Variants in MALRD1 observed in about 807,000 individuals in gnomAD.
MALRD1 encodes the protein MAM and LDL-receptor class A domain-containing protein 1.
MALRD1 carries 247 observed loss-of-function variants against 242.1 expected under a neutral mutation model. The observed-to-expected ratio is 1.02, with a 90% CI of 0.92 to 1.13. The LOEUF is 1.13. Among genes scored for constraint, MALRD1 ranks in the 50% most tolerant of loss-of-function variants. MALRD1 has a pLI of 0.00. For missense variants in MALRD1, 2,989 were observed against 2,533.1 expected (o/e 1.18, Z -3.86); for synonymous variants, 995 against 866.6 (o/e 1.15, Z -2.60).
chr10:19,427,930 T>A (rs1047003384), intron 28 of MALRD1, among the ~76,000 whole-genome samples: 3 of 152,170 alleles, frequency 2.0e-5, no homozygotes, highest in Non-Finnish European at 4.4e-5. Context: ...CTTATGTATG[T>A]TGCATATCAC....
chr10:19,362,483 A>T (rs974853101), intron 26 of MALRD1, among the ~76,000 whole-genome samples: 1 of 152,134 alleles, frequency 6.6e-6, no homozygotes, highest in Non-Finnish European at 1.5e-5. Flanking sequence ...CTTGAAGGAG[A>T]TATGGAAATT....
intron 36 of MALRD1, among the ~76,000 whole-genome samples, chr10:19,627,905 C>T (rs1234437225): frequency 6.6e-6 from 1 of 150,946 alleles, no homozygotes; most frequent in East Asian, 1.9e-4. Flanking sequence ...AAACTAGACA[C>T]ACATTATTTA....
At chr10:19,536,002 G>A (rs1441861755) in intron 32 of MALRD1, among the ~76,000 whole-genome samples, 1 of 152,194 alleles carries the variant, frequency 6.6e-6, no homozygotes, top group Non-Finnish European at 1.5e-5. Flanking sequence ...ATTCTCAAAA[G>A]AGATTCCAAA....
At chr10:19,420,700 T>C (rs1179188332) in intron 28 of MALRD1, among the ~76,000 whole-genome samples, 2 of 152,154 alleles carry the variant, frequency 1.3e-5, no homozygotes, top group Non-Finnish European at 2.9e-5. Flanking sequence ...CAGAGCTTTG[T>C]CTCCCATGCT....
At chr10:19,460,222 A>G (rs539858440) in intron 29 of MALRD1, among the ~76,000 whole-genome samples, 76 of 152,270 alleles carry the variant, frequency 5.0e-4, no homozygotes, top group African/African-American at 1.8e-3. Context: ...GTCCTGAAAT[A>G]TCGGTACAGA....
At chr10:19,448,859 GT>G (rs1193087900) in intron 28 of MALRD1, among the ~76,000 whole-genome samples, 6 of 151,952 alleles carry the variant, frequency 3.9e-5, no homozygotes, top group African/African-American at 1.4e-4. Context: ...TTTGGAATCT[GT>G]TGTTAAAATT....
chr10:19,519,964 T>C (rs1165907467), intron 31 of MALRD1, among the ~76,000 whole-genome samples: 5 of 152,222 alleles, frequency 3.3e-5, no homozygotes, highest in African/African-American at 9.6e-5. Context: ...ATCATTGTTA[T>C]GTCCACCTAA....
At chr10:19,127,528 T>G (rs1354010661) in intron 7 of MALRD1, among the ~76,000 whole-genome samples, 1 of 152,218 alleles carries the variant, frequency 6.6e-6, no homozygotes, top group Non-Finnish European at 1.5e-5. Flanking sequence ...GCAGTTTCAG[T>G]AGCATGAAGA....
rs1834094195 is a variant in MALRD1, at chr10:19,155,150, T to C, written c.1634T>C (p.Leu545Pro). The C allele has an allele frequency of 8.1e-7, 1 of 1,231,526 alleles. No individual in the cohort carries two copies. Among genetic ancestry groups the C allele is most frequent in the Non-Finnish European group, 1.0e-6 (1 of 987,836 alleles). The allele number at this position is 1,231,526 out of a possible 1,614,324, so 76.3% of individuals were successfully genotyped here. The change falls in exon 12 of 40, where the codon CTC (leucine) becomes CCC (proline). Residue 545 changes from leucine (L) to proline (P), a missense_variant. Coordinates refer to ENST00000454679, the MANE Select transcript of MALRD1 (RefSeq NM_001142308.3). Reference protein sequence around the residue: ...KLGSPVLTKLLTASTPCQVQF... With the variant: ...KLGSPVLTKLPTASTPCQVQF... ...GGAAGTCCTGTTCTTACAAAATTGC[T>C]CACTGCCTCTACCCCATGTCAGGTA...
chr10:19,509,930 C>T lies in MALRD1; in HGVS notation c.5320+11284C>T, dbSNP rs1023020784. Among the ~76,000 whole-genome samples the T allele has an allele frequency of 2.7e-5, 4 of 146,016 alleles. No individual in the cohort carries two copies. In the East Asian group the frequency reaches 8.2e-4, roughly 30 times the overall value. On this transcript the variant is annotated intron_variant, in intron 31 of 39. Coordinates refer to ENST00000454679, the MANE Select transcript of MALRD1 (RefSeq NM_001142308.3). ...AAGAAAAGTGGGCCCAGGGGACCGG[C>T]GCTCAGCATACAGAGGATCCGCTCC...
chr10:19,535,101 G>T lies in MALRD1; in HGVS notation c.5478+3750G>T, dbSNP rs553267175. On this transcript the variant is annotated intron_variant, in intron 32 of 39. Coordinates refer to ENST00000454679, the MANE Select transcript of MALRD1 (RefSeq NM_001142308.3). ...GCGTTTCACCATGTTGGCCAGGCTG[G>T]TCTTAATCTCCTGACCTAGTGATTC... 3.4e-3 allele frequency among the ~76,000 whole-genome samples: 519 copies of T among 152,116 alleles called. 4 individuals are homozygous for T. The highest frequency in any genetic ancestry group is 8.7e-3 in the South Asian group (42 of 4,822).
At chr10:19,430,112 T>C (rs865884044) in intron 28 of MALRD1, among the ~76,000 whole-genome samples, 1 of 23,288 alleles carries the variant, frequency 4.3e-5, no homozygotes, top group African/African-American at 2.8e-4. Flanking sequence ...TCCATTTTCC[T>C]TTTTTTTTTT....
At chr10:19,252,791 G>A (rs1234432339) in intron 18 of MALRD1, among the ~76,000 whole-genome samples, 1 of 151,978 alleles carries the variant, frequency 6.6e-6, no homozygotes, top group Non-Finnish European at 1.5e-5. Context: ...GCAGCTTTGT[G>A]TATGTGATAG....
At chr10:19,620,205 C>A (rs1237686222) in intron 36 of MALRD1, among the ~76,000 whole-genome samples, 2 of 151,770 alleles carry the variant, frequency 1.3e-5, no homozygotes, top group Admixed American at 1.3e-4. Context: ...ATTTTAGGCT[C>A]ACAGGTACAT....
chr10:19,203,940 A>G, intron 15 of MALRD1, 60 bp downstream of exon 15: 5 of 1,536,710 alleles, frequency 3.3e-6, no homozygotes, highest in Non-Finnish European at 4.4e-6. Flanking sequence ...AGACTTCAGA[A>G]GAGAAAGGAA....
chr10:19,359,125 T>G (rs547055735), intron 26 of MALRD1, among the ~76,000 whole-genome samples: 1 of 152,228 alleles, frequency 6.6e-6, no homozygotes, highest in South Asian at 2.1e-4. Context: ...GAACTGAGAT[T>G]CAGAGAAGTT....
At chr10:19,247,392 G>A (rs1416896607) in intron 18 of MALRD1, among the ~76,000 whole-genome samples, 2 of 151,884 alleles carry the variant, frequency 1.3e-5, no homozygotes, top group African/African-American at 4.8e-5. Flanking sequence ...TGGGTTGCAA[G>A]GGCTTCTGAA....
intron 19 of MALRD1, among the ~76,000 whole-genome samples, chr10:19,273,474 T>G (rs980658990): frequency 6.6e-6 from 1 of 152,192 alleles, no homozygotes; most frequent in Non-Finnish European, 1.5e-5. Context: ...TGCTAAAACT[T>G]GGAAGCAACC....
chr10:19,418,015 G>A (rs145763930), intron 28 of MALRD1, among the ~76,000 whole-genome samples: 252 of 151,862 alleles, frequency 1.7e-3, no homozygotes, highest in African/African-American at 5.2e-3. Context: ...CTGCCCTCTG[G>A]ATTAATTTCT....
Sources: allele counts gnomAD v4.1 joint callset (sites outside exome capture counted in the v4.1 genomes callset), GRCh38; gene constraint gnomAD v4.1.1; transcripts MANE v1.5; gene names NCBI Gene and HGNC (gene_info 2026-07-23, HGNC 2026-07-21).